Variants in CRTAC1 observed in about 807,000 individuals in gnomAD.
CRTAC1 encodes acidic secreted protein in cartilage.
CRTAC1 carries 37 observed loss-of-function variants against 67.8 expected under a neutral mutation model. The ratio of observed to expected loss-of-function variants is 0.55; its 90% CI spans 0.42 to 0.72. The LOEUF (loss-of-function observed/expected upper bound fraction) is 0.72. Among genes scored for constraint, CRTAC1 ranks in the 30% least tolerant of loss-of-function variants. The pLI is 0.00. For missense variants in CRTAC1, 780 were observed against 931.6 expected (o/e 0.84, Z 2.12); for synonymous variants, 348 against 371.0 (o/e 0.94, Z 0.71).
chr10:97,950,270 G>C (rs1479942793), intron 2 of CRTAC1, among the ~76,000 whole-genome samples: 2 of 151,940 alleles, frequency 1.3e-5, no homozygotes, highest in Admixed American at 6.6e-5. Flanking sequence ...GAGAGAGAGA[G>C]AGAGAGAGAG....
chr10:97,983,386 AT>A (rs767918467), intron 2 of CRTAC1, among the ~76,000 whole-genome samples: 9 of 151,858 alleles, frequency 5.9e-5, no homozygotes, highest in Non-Finnish European at 1.3e-4. Flanking sequence ...AAAAACTAGC[AT>A]TTCAATTTTT....
intron 7 of CRTAC1, 85 bp downstream of exon 7, chr10:97,904,584 C>G (rs992682069): frequency 7.2e-7 from 1 of 1,380,986 alleles, no homozygotes; most frequent in Admixed American, 2.7e-5. Context: ...CACACCTGGC[C>G]AATTTTTGGT....
At chr10:97,927,979 G>C (rs926098813) in intron 3 of CRTAC1, among the ~76,000 whole-genome samples, 1 of 152,246 alleles carries the variant, frequency 6.6e-6, no homozygotes, top group Non-Finnish European at 1.5e-5. Context: ...ATGAGAGGGT[G>C]GGGGCAGCTG....
chr10:97,926,777 G>A (rs937771760), intron 3 of CRTAC1, among the ~76,000 whole-genome samples: 26 of 152,148 alleles, frequency 1.7e-4, no homozygotes, highest in Admixed American at 5.2e-4. Context: ...GGATTTCAGG[G>A]CTCTCGAGAA....
At chr10:97,882,713 C>T in intron 13 of CRTAC1, 73 bp downstream of exon 13, 2 of 1,540,002 alleles carry the variant, frequency 1.3e-6, no homozygotes, top group Non-Finnish European at 1.8e-6. Context: ...TGGACCTTGG[C>T]ATGAGTCAGG....
At position 98,029,652 on chromosome 10, in the gene CRTAC1, T is replaced by C. The variant is rs902436546; in HGVS notation, c.24+797A>G. Among the ~76,000 whole-genome samples, 3 of 152,218 alleles carry C rather than the reference T, an allele frequency of 2.0e-5. No homozygotes were observed. The highest frequency in any genetic ancestry group is 2.9e-5 in the Non-Finnish European group (2 of 68,030). ...CTGGGATGACTTTGGATTCTTGAGT[T>C]GCTTTCTGCAGAAGCGGGACTAACC... On this transcript the variant is annotated intron_variant, in intron 1 of 14. Transcript: ENST00000370597. This position sits in a 1 kb window ranked among gnomAD's most constrained non-coding sequence, Gnocchi z 4.7.
chr10:97,944,035 T>C (rs965846157), intron 2 of CRTAC1, among the ~76,000 whole-genome samples: 2 of 152,218 alleles, frequency 1.3e-5, no homozygotes, highest in African/African-American at 2.4e-5. Flanking sequence ...CTGAAGCAAG[T>C]ATTTCAGGGA....
At chr10:97,882,947 G>T in intron 12 of CRTAC1, 119 bp from the exon 13 acceptor site, 1 of 1,021,664 alleles carries the variant, frequency 9.8e-7, no homozygotes, top group South Asian at 1.5e-5. Context: ...CATGCTCTGA[G>T]CTCTGGGCCT....
chr10:97,907,490 T>G (rs1400805597), intron 6 of CRTAC1, among the ~76,000 whole-genome samples: 3 of 152,182 alleles, frequency 2.0e-5, no homozygotes, highest in Non-Finnish European at 4.4e-5. Context: ...TTTATCCTGC[T>G]TCTTATTACA....
chr10:97,906,215 T>G (rs770542102), intron 6 of CRTAC1, among the ~76,000 whole-genome samples: 12 of 152,052 alleles, frequency 7.9e-5, no homozygotes, highest in Admixed American at 7.2e-4. Flanking sequence ...GAAAGAGGGT[T>G]CGCAGAGGAC....
chr10:97,879,624 G>T (rs1479920701), intron 14 of CRTAC1: 4 of 1,526,476 alleles, frequency 2.6e-6, no homozygotes, highest in Non-Finnish European at 3.5e-6. Context: ...GCAGGAGAGA[G>T]ATTTAGTTTT....
rs574072631 is a variant in CRTAC1, at chr10:98,030,386, G to T, written c.24+63C>A. 120 of 1,058,896 alleles carry T rather than the reference G, an allele frequency of 1.1e-4. No individual in the cohort carries two copies. The African/African-American group carries it at 1.8e-3, about 16-fold the overall frequency. 65.6% of individuals were successfully genotyped at this position (1,058,896 alleles called of 1,614,324 possible). ...CCACCCTTGCGGGCGGATCCGGGGG[G>T]GCGCGCAGAGCTGGAGAAACTTTCT... is the stretch of plus-strand genomic sequence containing the variant. On this transcript the variant is annotated intron_variant, in intron 1 of 14. Transcript: ENST00000370597. The surrounding 1 kb of genome is among the most constrained non-coding windows in gnomAD (Gnocchi z 4.2).
chr10:98,015,098 T>C (rs1842971072), intron 1 of CRTAC1, among the ~76,000 whole-genome samples: 1 of 152,148 alleles, frequency 6.6e-6, no homozygotes, highest in African/African-American at 2.4e-5. Flanking sequence ...ATGCATACAG[T>C]GCAATATTAT....
intron 2 of CRTAC1, among the ~76,000 whole-genome samples, chr10:97,950,246 C>CACAGAGAGAGAG (rs1447953866): frequency 3.3e-4 from 37 of 113,414 alleles, no homozygotes; most frequent in African/African-American, 1.1e-3. Flanking sequence ...CACACACACA[C>CACAGAGAGAGAG]AGAGAGAGAG....
At chr10:97,904,514 T>C (rs1020174065) in intron 7 of CRTAC1, among the ~76,000 whole-genome samples, 155 bp downstream of exon 7, 1 of 152,196 alleles carries the variant, frequency 6.6e-6, no homozygotes, top group Non-Finnish European at 1.5e-5. Flanking sequence ...CTCTGCCTCC[T>C]GGGCTCAAGA....
chr10:97,954,872 A>G (rs1179310687), intron 2 of CRTAC1, among the ~76,000 whole-genome samples: 2 of 152,174 alleles, frequency 1.3e-5, no homozygotes, highest in Non-Finnish European at 2.9e-5. Flanking sequence ...TTATGGCTGC[A>G]TCACTTCAAG....
chr10:97,898,082 C>T (rs1404164795), intron 8 of CRTAC1, among the ~76,000 whole-genome samples: 1 of 152,244 alleles, frequency 6.6e-6, no homozygotes, highest in African/African-American at 2.4e-5. Flanking sequence ...GATTCTGCCA[C>T]AGCTGTGCAG....
chr10:97,904,925 T>G, intron 6 of CRTAC1, 111 bp from the exon 7 acceptor site: 1 of 1,272,678 alleles, frequency 7.9e-7, no homozygotes, highest in Non-Finnish European at 1.0e-6. Context: ...TCTCATCTTG[T>G]TCCCGGGAGG....
At chr10:97,997,056 A>G (rs1427364582) in intron 2 of CRTAC1, among the ~76,000 whole-genome samples, 2 of 122,418 alleles carry the variant, frequency 1.6e-5, no homozygotes, top group Admixed American at 2.0e-4. Flanking sequence ...GGACACAGGA[A>G]GGGGAACATC....
Sources: allele counts gnomAD v4.1 joint callset (sites outside exome capture counted in the v4.1 genomes callset), GRCh38; gene constraint gnomAD v4.1.1; non-coding constraint Gnocchi (gnomAD v3.1); transcripts MANE v1.5; gene names NCBI Gene and HGNC (gene_info 2026-07-23, HGNC 2026-07-21).